Variants in DTNA observed in about 807,000 individuals in gnomAD.
DTNA encodes dystrophin-related protein 3.
A neutral mutation model predicts 100.7 loss-of-function variants in DTNA; 43 were observed. The observed-to-expected ratio is 0.43, with a 90% CI of 0.33 to 0.55. DTNA has a LOEUF of 0.55. Ranked by LOEUF, DTNA falls within the 20% of genes least tolerant of loss-of-function variation. The pLI, the probability that DTNA is intolerant of heterozygous loss-of-function variation, is 0.04. For missense variants in DTNA, 798 were observed against 953.9 expected (o/e 0.84, Z 2.15); for synonymous variants, 349 against 347.9 (o/e 1.00, Z -0.04).
chr18:34,857,151 G>A (rs1055585666), intron 15 of DTNA, among the ~76,000 whole-genome samples: 9 of 152,164 alleles, frequency 5.9e-5, no homozygotes, highest in Non-Finnish European at 1.3e-4. Flanking sequence ...TTTAAAGAAA[G>A]GATTCCCCGA....
chr18:34,635,299 C>G (rs2058544336), intron 1 of DTNA, among the ~76,000 whole-genome samples: 2 of 152,180 alleles, frequency 1.3e-5, no homozygotes, highest in Non-Finnish European at 2.9e-5. Context: ...CCCATCTTAA[C>G]TGTTTTAAAT....
In DTNA at chr18:34,704,384, A is replaced by C. The variant is rs141267754; in HGVS notation, c.-1-51592A>C. ...TTCTCCATAGAGCTTTAGAATGTGT[A>C]CTGTGCTGATGTATTCCAAGTCCCT... On this transcript the variant is annotated intron_variant, in intron 1 of 19. Transcript: ENST00000283365. Among the ~76,000 whole-genome samples the C allele has an allele frequency of 1.0e-3, 156 of 152,284 alleles. 1 individual carries two copies. Among genetic ancestry groups the C allele is most frequent in the African/African-American group, 3.5e-3 (144 of 41,538 alleles).
At chr18:34,697,208 A>G (rs1020050652) in intron 1 of DTNA, among the ~76,000 whole-genome samples, 1 of 152,190 alleles carries the variant, frequency 6.6e-6, no homozygotes, top group African/African-American at 2.4e-5. Flanking sequence ...TTAGGTGGGT[A>G]TTACTGTTAC....
At chr18:34,835,541 T>G (rs2096121706) in intron 11 of DTNA, among the ~76,000 whole-genome samples, 1 of 147,686 alleles carries the variant, frequency 6.8e-6, no homozygotes, top group Non-Finnish European at 1.5e-5. Context: ...GCAAGTGGAG[T>G]AGAGGAAGGA....
At position 34,740,829 on chromosome 18, in the gene DTNA, T is replaced by C. The variant is rs145187081; in HGVS notation, c.-1-15147T>C. On this transcript the variant is annotated intron_variant, in intron 1 of 22. Coordinates refer to ENST00000444659, the MANE Select transcript of DTNA (RefSeq NM_001386795.1). ...GAAAAAAAAAAAAGAAAAGAAAGTG[T>C]CCACAGTAGTGTTAATGCTTTTTGG... Among the ~76,000 whole-genome samples, 412 of 151,656 alleles carry C rather than the reference T, an allele frequency of 2.7e-3. 1 individual carries two copies. The highest frequency in any genetic ancestry group is 9.4e-3 in the African/African-American group (390 of 41,364).
At chr18:34,753,674 G>A (rs888843558) in intron 1 of DTNA, among the ~76,000 whole-genome samples, 4 of 141,830 alleles carry the variant, frequency 2.8e-5, no homozygotes, top group South Asian at 2.1e-4. Context: ...GAGCCACCGC[G>A]CCCGGCCTGT....
chr18:34,869,666 TA>T (rs2150243907), intron 17 of DTNA, among the ~76,000 whole-genome samples: 1 of 152,322 alleles, frequency 6.6e-6, no homozygotes, highest in Non-Finnish European at 1.5e-5. Flanking sequence ...TCTTAAGTTT[TA>T]TCTATAATAA....
intron 3 of DTNA, among the ~76,000 whole-genome samples, chr18:34,785,612 C>T (rs888283131): frequency 2.6e-5 from 4 of 152,130 alleles, no homozygotes; most frequent in Non-Finnish European, 5.9e-5. Flanking sequence ...CCCAGTGTCT[C>T]AGTTCATGTT....
chr18:34,868,777 A>G, intron 17 of DTNA: 1 of 985,018 alleles, frequency 1.0e-6, no homozygotes, highest in Non-Finnish European at 1.2e-6. Context: ...TGATTATGAT[A>G]TCACAAGCAA....
chr18:34,698,841 A>G (rs750934143), intron 1 of DTNA, among the ~76,000 whole-genome samples: 13 of 151,964 alleles, frequency 8.6e-5, no homozygotes, highest in Non-Finnish European at 2.9e-5. Flanking sequence ...GCACACCCAG[A>G]TTGAGGGTAG....
At chr18:34,860,706 A>T (rs188932435) in intron 16 of DTNA, among the ~76,000 whole-genome samples, 2 of 152,330 alleles carry the variant, frequency 1.3e-5, no homozygotes, top group East Asian at 3.9e-4. Flanking sequence ...CTCAACGATC[A>T]TGTTTCCCTT....
chr18:34,733,607 T>C (rs1020573746), intron 1 of DTNA, among the ~76,000 whole-genome samples: 2 of 152,174 alleles, frequency 1.3e-5, no homozygotes, highest in African/African-American at 4.8e-5. Flanking sequence ...AGATCTGACA[T>C]ACAGAGAAGA....
At chr18:34,712,629 A>T (rs2083128805) in intron 1 of DTNA, among the ~76,000 whole-genome samples, 1 of 152,156 alleles carries the variant, frequency 6.6e-6, no homozygotes, top group African/African-American at 2.4e-5. Context: ...TTAAGAAGCA[A>T]AATTGACTTT....
chr18:34,526,971 C>T (rs2042684463), intron 1 of DTNA, among the ~76,000 whole-genome samples: 1 of 152,090 alleles, frequency 6.6e-6, no homozygotes, highest in Non-Finnish European at 1.5e-5. Flanking sequence ...AAGGAACAGA[C>T]ACTGAAATCT....
At chr18:34,557,385 A>G (rs1342049351) in intron 1 of DTNA, among the ~76,000 whole-genome samples, 3 of 151,618 alleles carry the variant, frequency 2.0e-5, no homozygotes, top group African/African-American at 7.3e-5. Context: ...GTCATTCTCC[A>G]TCCAGCTTTG....
chr18:34,606,669 C>G (rs1165433956), intron 1 of DTNA, among the ~76,000 whole-genome samples: 4 of 152,002 alleles, frequency 2.6e-5, no homozygotes, highest in African/African-American at 9.7e-5. Flanking sequence ...GAGAAGACAT[C>G]CAGAAGAAGG....
In DTNA at chr18:34,563,015, G is replaced by A. The variant is rs148106730; in HGVS notation, c.-2+69501G>A. Among the ~76,000 whole-genome samples the A allele has an allele frequency of 2.9e-4, 44 of 152,318 alleles. No homozygotes were observed. In the East Asian group the frequency reaches 4.8e-3, roughly 17 times the overall value. On this transcript the variant is annotated intron_variant, in intron 1 of 19. Coordinates refer to the DTNA transcript ENST00000283365. ...GAGAATTTACCTAATGAGTTACGGC[G>A]TGAATTTGAGAACTTCAAAGACTGA...
intron 1 of DTNA, among the ~76,000 whole-genome samples, chr18:34,587,581 A>T (rs953708620): frequency 7.2e-5 from 11 of 152,168 alleles, no homozygotes; most frequent in Admixed American, 4.6e-4. Context: ...ACTTAAATGC[A>T]TATCTCATTT....
At chr18:34,605,015 T>C (rs1418374650) in intron 1 of DTNA, among the ~76,000 whole-genome samples, 3 of 152,222 alleles carry the variant, frequency 2.0e-5, no homozygotes, top group East Asian at 3.9e-4. Context: ...TCTTTTGTTT[T>C]TTTTAACTTA....
Sources: allele counts gnomAD v4.1 joint callset (sites outside exome capture counted in the v4.1 genomes callset), GRCh38; gene constraint gnomAD v4.1.1; transcripts MANE v1.5; gene names NCBI Gene and HGNC (gene_info 2026-07-23, HGNC 2026-07-21).